The following AGFG2 variants were observed in gnomAD, a reference collection of about 807,000 sequenced individuals.
The protein encoded by AGFG2 is ArfGAP with FG repeats 2.
Under a neutral mutation model 48.0 loss-of-function variants are expected in AGFG2, and 31 were observed. That is an observed-to-expected ratio of 0.65 (90% CI 0.49 to 0.87). The LOEUF is 0.87. Among genes scored for constraint, AGFG2 ranks in the 40% least tolerant of loss-of-function variants. The pLI is 0.00. For synonymous variants in AGFG2, 229 were observed against 260.8 expected (o/e 0.88, Z 1.18); for missense variants, 599 against 632.6 (o/e 0.95, Z 0.57).
At chr7:100,564,418 G>A (rs1800962054) in intron 11 of AGFG2, 115 bp downstream of exon 11, 1 of 1,125,958 alleles carries the variant, frequency 8.9e-7, no homozygotes, top group Non-Finnish European at 1.3e-6. Flanking sequence ...GTGAAGGTCT[G>A]CGTTGTCCAA....
chr7:100,549,977 C>T (rs1283357007), intron 2 of AGFG2, among the ~76,000 whole-genome samples: 3 of 152,202 alleles, frequency 2.0e-5, no homozygotes, highest in African/African-American at 4.8e-5. Flanking sequence ...CAGGTGTGAG[C>T]CACCACATCC....
chr7:100,549,095 G>T (rs543189342), intron 2 of AGFG2, among the ~76,000 whole-genome samples, 180 bp downstream of exon 2: 1 of 152,218 alleles, frequency 6.6e-6, no homozygotes, highest in South Asian at 2.1e-4. Context: ...ACAAATCATG[G>T]TTTGTCTAGG....
At chr7:100,557,983 G>T (rs916184715) in intron 6 of AGFG2, among the ~76,000 whole-genome samples, 1 of 152,126 alleles carries the variant, frequency 6.6e-6, no homozygotes, top group African/African-American at 2.4e-5. Context: ...GGAAGCTGAG[G>T]CAGGTGGATC....
intron 5 of AGFG2, among the ~76,000 whole-genome samples, chr7:100,554,759 A>T (rs1461182579): frequency 6.6e-6 from 1 of 151,644 alleles, no homozygotes; most frequent in Non-Finnish European, 1.5e-5. Flanking sequence ...ACATGGTGAA[A>T]CCTCATCTCT....
rs1191055487 is a variant in AGFG2, at chr7:100,567,079, G to GCAGACTCCCTCCCCTC, written c.*2092_*2107dup. 6.5e-6 allele frequency: 1 copy of GCAGACTCCCTCCCCTC among 152,910 alleles called. No individual in the cohort carries two copies. Among genetic ancestry groups the GCAGACTCCCTCCCCTC allele is most frequent in the Non-Finnish European group, 1.5e-5 (1 of 68,232 alleles). 9.5% of individuals were successfully genotyped at this position (152,910 alleles called of 1,614,324 possible). A position where few individuals can be genotyped will look rare whatever the true frequency, so the allele number is the denominator to read the frequency against. ...CTGGGTCCAGGCCCGGGTCCTCCCT[G>GCAGACTCCCTCCCCTC]CAGACTCCCTCCCCTCCAGCCCACA... On this transcript the variant is annotated 3_prime_UTR_variant, in exon 12 of 12. Coordinates refer to ENST00000300176, the MANE Select transcript of AGFG2 (RefSeq NM_006076.5).
chr7:100,564,876 T>G lies in AGFG2; in HGVS notation c.1387-56T>G, dbSNP rs554424624. 5 of 1,590,386 alleles carry G rather than the reference T, an allele frequency of 3.1e-6. No homozygotes were observed. The African/African-American group carries it at 6.7e-5, about 21-fold the overall frequency. On this transcript the variant is annotated intron_variant, in intron 11 of 11. Coordinates refer to ENST00000300176, the MANE Select transcript of AGFG2 (RefSeq NM_006076.5). ...AGAAAGGACTCCTGGCTGCCTTTCT[T>G]CTAAGCTTCCAGTTCCTCTCCCCTA...
chr7:100,567,796 A>C lies in AGFG2; in HGVS notation c.*2805A>C, dbSNP rs1438928700. 3.9e-5 allele frequency: 6 copies of C among 152,252 alleles called. No individual in the cohort carries two copies. Among genetic ancestry groups the C allele is most frequent in the Non-Finnish European group, 8.8e-5 (6 of 68,040 alleles). The allele number at this position is 152,252 out of a possible 1,614,324, so 9.4% of individuals were successfully genotyped here. A position where few individuals can be genotyped will look rare whatever the true frequency, so the allele number is the denominator to read the frequency against. ...GTGAACCCCTCAGGTCAGGAGAGGC[A>C]GAGTTGAGGTTCTGCCACTTCCTGT... On this transcript the variant is annotated 3_prime_UTR_variant, in exon 12 of 12. Coordinates refer to ENST00000300176, the MANE Select transcript of AGFG2 (RefSeq NM_006076.5).
rs771363986 is a variant in AGFG2 at position 100,565,524 on chromosome 7, G to A, written c.*533G>A. On this transcript the variant is annotated 3_prime_UTR_variant, in exon 12 of 12. Transcript: ENST00000300176. ...TCCCCCATTGTTTTGCTTCCCCAGC[G>A]CCCAGGATGAGCGGTTTACCATCGA... 7 of 154,164 alleles carry A rather than the reference G, an allele frequency of 4.5e-5. No individual in the cohort carries two copies. The highest frequency in any genetic ancestry group is 8.7e-5 in the Non-Finnish European group (6 of 69,220). 9.5% of individuals were successfully genotyped at this position (154,164 alleles called of 1,614,324 possible). A position where few individuals can be genotyped will look rare whatever the true frequency, so the allele number is the denominator to read the frequency against.
At chr7:100,542,711 G>C (rs1402120462) in intron 1 of AGFG2, among the ~76,000 whole-genome samples, 3 of 152,176 alleles carry the variant, frequency 2.0e-5, no homozygotes, top group Non-Finnish European at 4.4e-5. Context: ...TGGAGGCATG[G>C]CTCCATGGTG....
intron 3 of AGFG2, among the ~76,000 whole-genome samples, chr7:100,552,954 C>T (rs1800677790): frequency 1.3e-5 from 2 of 152,062 alleles, no homozygotes; most frequent in Non-Finnish European, 2.9e-5. Context: ...GTTGAGACCA[C>T]CCTGGGCAAC....
rs1800370944 is a variant in AGFG2, at chr7:100,539,289, G to T, written c.-58G>T. ...GCGTGCGGAGGCGGCTGAGGAGGCG[G>T]GAAGGCGGCAGTGGTTGAAGGGGTG... On this transcript the variant is annotated 5_prime_UTR_variant, in exon 1 of 12. Transcript: ENST00000300176. The T allele has an allele frequency of 3.2e-6, 4 of 1,267,452 alleles. No homozygotes were observed. The highest frequency in any genetic ancestry group is 8.3e-5 in the Admixed American group (2 of 23,958). 78.5% of individuals were successfully genotyped at this position (1,267,452 alleles called of 1,614,324 possible). A position where few individuals can be genotyped will look rare whatever the true frequency, so the allele number is the denominator to read the frequency against.
intron 6 of AGFG2, among the ~76,000 whole-genome samples, chr7:100,558,545 GT>G (rs36124305): frequency 0.093 from 12,646 of 135,336 alleles, 611 homozygotes; most frequent in African/African-American, 0.15. Context: ...TTTTGTTTTT[GT>G]TTTTTTTTTT....
chr7:100,565,232 C>T lies in AGFG2; in HGVS notation c.*241C>T, dbSNP rs1186835147. The T allele has an allele frequency of 3.4e-6, 2 of 587,778 alleles. No homozygotes were observed. The highest frequency in any genetic ancestry group is 1.9e-5 in the African/African-American group (1 of 53,456). 36.4% of individuals were successfully genotyped at this position (587,778 alleles called of 1,614,324 possible). On this transcript the variant is annotated 3_prime_UTR_variant, in exon 12 of 12. Coordinates refer to ENST00000300176, the MANE Select transcript of AGFG2 (RefSeq NM_006076.5). ...AGGAGGAGTGCGGGCAGGGCCTGACCTGGAGGAGTGATGGTTGAGGGGGAG... is the reference window on the plus strand; with the variant it reads ...AGGAGGAGTGCGGGCAGGGCCTGACTTGGAGGAGTGATGGTTGAGGGGGAG...
chr7:100,557,289 C>G (rs892771652), intron 6 of AGFG2, among the ~76,000 whole-genome samples: 1 of 151,844 alleles, frequency 6.6e-6, no homozygotes, highest in African/African-American at 2.4e-5. Flanking sequence ...ATTCACGAAG[C>G]AAAAACTATT....
chr7:100,561,511 CTT>C (rs2131123138), intron 6 of AGFG2, among the ~76,000 whole-genome samples: 1 of 152,318 alleles, frequency 6.6e-6, no homozygotes, highest in South Asian at 2.1e-4. Flanking sequence ...AGAGACGAGA[CTT>C]TGATGTGCAG....
intron 6 of AGFG2, chr7:100,556,650 A>G: frequency 1.6e-6 from 2 of 1,287,336 alleles, no homozygotes; most frequent in Non-Finnish European, 2.0e-6. Flanking sequence ...CCCACCCCAG[A>G]GCCTACCCAA....
In AGFG2 at chr7:100,551,314, C is replaced by T. The variant is rs764720264; in HGVS notation, c.431+803C>T. 2.6e-4 allele frequency among the ~76,000 whole-genome samples: 40 copies of T among 151,174 alleles called. 1 individual carries two copies. The highest frequency in any genetic ancestry group is 5.3e-4 in the Admixed American group (8 of 15,176). ...TCGATCTCCTGACCTCGTGATCCGCCCACCTTGGCTCCCAAAGTGCTGGGA... is the reference window on the plus strand; with the variant it reads ...TCGATCTCCTGACCTCGTGATCCGCTCACCTTGGCTCCCAAAGTGCTGGGA... On this transcript the variant is annotated intron_variant, in intron 3 of 11. Coordinates refer to ENST00000300176, the MANE Select transcript of AGFG2 (RefSeq NM_006076.5).
intron 1 of AGFG2, among the ~76,000 whole-genome samples, chr7:100,545,447 T>C (rs1800493695): frequency 6.6e-6 from 1 of 152,094 alleles, no homozygotes; most frequent in Non-Finnish European, 1.5e-5. Context: ...CAGCTACACA[T>C]ACAAGTGGCT....
chr7:100,560,978 A>AT (rs1167654964), intron 6 of AGFG2, among the ~76,000 whole-genome samples: 9,747 of 135,650 alleles, frequency 0.072, 329 homozygotes, highest in Middle Eastern at 0.098. Flanking sequence ...TGCCTGGCTA[A>AT]TTTTTTTTTT....
Sources: allele counts gnomAD v4.1 joint callset (sites outside exome capture counted in the v4.1 genomes callset), GRCh38; gene constraint gnomAD v4.1.1; transcripts MANE v1.5; gene names NCBI Gene and HGNC (gene_info 2026-07-23, HGNC 2026-07-21).